Variants in SUCO observed in about 807,000 individuals in gnomAD.
The protein encoded by SUCO is SUN domain containing ossification factor, also known as SUN domain-containing ossification factor.
A neutral mutation model predicts 148.1 loss-of-function variants in SUCO; 57 were observed. The observed-to-expected ratio is 0.38, with a 90% CI of 0.31 to 0.48. SUCO has a LOEUF of 0.48. Ranked by LOEUF, SUCO falls within the 20% of genes least tolerant of loss-of-function variation. The pLI is 0.96. For missense variants in SUCO, 1,331 were observed against 1,468.2 expected (o/e 0.91, Z 1.53); for synonymous variants, 470 against 502.7 (o/e 0.93, Z 0.87).
chr1:172,609,723 G>A, intron 23 of SUCO, 93 bp from the exon 24 acceptor site: 1 of 1,507,540 alleles, frequency 6.6e-7, no homozygotes. Flanking sequence ...TTCACCAGGA[G>A]GTGGCACTTC....
chr1:172,595,888 A>G (rs976790183), intron 19 of SUCO, among the ~76,000 whole-genome samples: 3 of 152,048 alleles, frequency 2.0e-5, no homozygotes, highest in Non-Finnish European at 2.9e-5. Context: ...ACTTGGTTCC[A>G]TTTTCCCCGT....
At chr1:172,594,096 G>A (rs1364415760) in intron 19 of SUCO, among the ~76,000 whole-genome samples, 1 of 152,098 alleles carries the variant, frequency 6.6e-6, no homozygotes, top group Non-Finnish European at 1.5e-5. Flanking sequence ...ATGGTAGTTT[G>A]TATTTCTGTG....
rs560264957 is a variant in SUCO at position 172,590,522 on chromosome 1, T to G, written c.2826-462T>G. 159 of 217,732 alleles carry G rather than the reference T, an allele frequency of 7.3e-4. 1 individual carries two copies. Among genetic ancestry groups the G allele is most frequent in the Admixed American group, 1.4e-3 (21 of 15,358 alleles). The allele number at this position is 217,732 out of a possible 1,614,324, so 13.5% of individuals were successfully genotyped here. A position where few individuals can be genotyped will look rare whatever the true frequency, so the allele number is the denominator to read the frequency against. Reference sequence around the variant, plus strand: ...CTTTTTTTTATCCTCTGTGTGTCCATTGTCTGTCCTTAGGGCTTCTCTACC... The same window carrying G: ...CTTTTTTTTATCCTCTGTGTGTCCAGTGTCTGTCCTTAGGGCTTCTCTACC... On this transcript the variant is annotated intron_variant, in intron 18 of 23. Coordinates refer to ENST00000263688, the MANE Select transcript of SUCO (RefSeq NM_014283.5).
intron 20 of SUCO, 28 bp downstream of exon 20, chr1:172,600,196 C>T (rs370349602): frequency 4.1e-6 from 6 of 1,466,494 alleles, no homozygotes; most frequent in Non-Finnish European, 5.7e-6. Context: ...TATTGCGAGA[C>T]CCAATGCATG....
intron 2 of SUCO, 116 bp from the exon 3 acceptor site, chr1:172,553,144 A>G: frequency 8.6e-7 from 1 of 1,158,536 alleles, no homozygotes; most frequent in African/African-American, 1.6e-5. Flanking sequence ...ATTAGAGTCA[A>G]ATAAACAAGG....
At chr1:172,549,891 G>A (rs1258369888) in intron 1 of SUCO, among the ~76,000 whole-genome samples, 4 of 143,918 alleles carry the variant, frequency 2.8e-5, no homozygotes, top group Non-Finnish European at 1.5e-5. Flanking sequence ...TTCCTTCAGG[G>A]AAAAAAAAAA....
intron 6 of SUCO, among the ~76,000 whole-genome samples, chr1:172,561,075 A>G (rs965220263): frequency 1.3e-5 from 2 of 152,248 alleles, no homozygotes; most frequent in South Asian, 4.1e-4. Context: ...GCCACCATGT[A>G]TGGTCTCCTT....
rs761994366 is a variant in SUCO at position 172,578,282 on chromosome 1, A to G, written c.1341-16A>G. 5 of 1,568,690 alleles carry G rather than the reference A, an allele frequency of 3.2e-6. No individual in the cohort carries two copies. In the East Asian group the frequency reaches 1.1e-4, roughly 35 times the overall value. On this transcript the variant is annotated splice_polypyrimidine_tract_variant and intron_variant, in intron 13 of 23. Coordinates refer to ENST00000263688, the MANE Select transcript of SUCO (RefSeq NM_014283.5). Reference sequence around the variant, plus strand: ...TGTTTTGTTTTGGAAGTCTTTAATGAAATTGTTGTTGATAGGGTATTTGGC... The same window carrying G: ...TGTTTTGTTTTGGAAGTCTTTAATGGAATTGTTGTTGATAGGGTATTTGGC...
chr1:172,570,034 G>GGTTTTAAC lies in SUCO; in HGVS notation c.857-9_857-8insTAACGTTT. ...TATATATATAAATATTTATAATAAC[G>GGTTTTAAC]GTTTGTCTGCAGGTCAGTCGATGCA... is the stretch of plus-strand genomic sequence containing the variant. On this transcript the variant is annotated splice_polypyrimidine_tract_variant and intron_variant, in intron 7 of 23. Transcript: ENST00000263688. 1 of 1,407,442 alleles carries GGTTTTAAC rather than the reference G, an allele frequency of 7.1e-7. No individual in the cohort carries two copies. Among genetic ancestry groups the GGTTTTAAC allele is most frequent in the Non-Finnish European group, 9.3e-7 (1 of 1,073,960 alleles). The allele number at this position is 1,407,442 out of a possible 1,614,324, so 87.2% of individuals were successfully genotyped here.
At chr1:172,539,484 T>C (rs1652276190) in intron 1 of SUCO, among the ~76,000 whole-genome samples, 1 of 150,020 alleles carries the variant, frequency 6.7e-6, no homozygotes, top group South Asian at 2.1e-4. Context: ...ATTTGTTTAA[T>C]AAATGCAAGT....
intron 23 of SUCO, chr1:172,609,545 G>C (rs1658076004): frequency 1.0e-6 from 1 of 981,734 alleles, no homozygotes; most frequent in Non-Finnish European, 1.2e-6. Context: ...GCAGTTAGTA[G>C]GTATTCAGAT....
At chr1:172,574,052 A>C in intron 10 of SUCO, 54 bp downstream of exon 10, 1 of 982,752 alleles carries the variant, frequency 1.0e-6, no homozygotes, top group Non-Finnish European at 1.5e-6. Context: ...GAAAAAAAGA[A>C]AAACAAAAAA....
chr1:172,611,643 GC>G lies in SUCO; in HGVS notation c.*1385del, dbSNP rs1194256768. 1 of 152,610 alleles carries G rather than the reference GC, an allele frequency of 6.6e-6. No homozygotes were observed. The highest frequency in any genetic ancestry group is 2.4e-5 in the African/African-American group (1 of 41,448). The allele number at this position is 152,610 out of a possible 1,614,324, so 9.5% of individuals were successfully genotyped here. On this transcript the variant is annotated 3_prime_UTR_variant, in exon 24 of 24. Transcript: ENST00000263688. ...AATTTCTTTCCTGTCTGCACAATTA[GC>G]TATTCAGAGCAAGAGGGCCTGATTT...
chr1:172,532,852 TG>T (rs1487039038), upstream of SUCO: 1 of 1,535,856 alleles, frequency 6.5e-7, no homozygotes, highest in Non-Finnish European at 8.7e-7. Context: ...CCCGGCTTTC[TG>T]AACGCAAGCC....
Position 172,533,224 on chromosome 1 carries a change from C to T in SUCO, c.-212C>T, listed in dbSNP as rs1183993638. On this transcript the variant is annotated 5_prime_UTR_variant, in exon 1 of 24. Coordinates refer to ENST00000263688, the MANE Select transcript of SUCO (RefSeq NM_014283.5). Reference sequence around the variant, plus strand: ...CTGCAGCGGCGGCGGTCCCCGGAGTCCTGTGAAGCGCCCCTGTCCGCGCCT... The same window carrying T: ...CTGCAGCGGCGGCGGTCCCCGGAGTTCTGTGAAGCGCCCCTGTCCGCGCCT... 1.9e-6 allele frequency: 3 copies of T among 1,541,176 alleles called. No homozygotes were observed. The highest frequency in any genetic ancestry group is 2.6e-6 in the Non-Finnish European group (3 of 1,143,502).
At chr1:172,536,234 T>C (rs985109582) in intron 1 of SUCO, among the ~76,000 whole-genome samples, 1 of 151,700 alleles carries the variant, frequency 6.6e-6, no homozygotes, top group Non-Finnish European at 1.5e-5. Flanking sequence ...AATTTGAACC[T>C]AGGCAGCACA....
intron 4 of SUCO, 50 bp from the exon 5 acceptor site, chr1:172,557,230 A>G: frequency 1.3e-6 from 2 of 1,587,766 alleles, no homozygotes; most frequent in Non-Finnish European, 8.6e-7. Context: ...AATGTATATT[A>G]CCTCAAGTTT....
intron 9 of SUCO, 108 bp from the exon 10 acceptor site, chr1:172,573,783 A>T: frequency 1.6e-6 from 1 of 626,256 alleles, no homozygotes; most frequent in Admixed American, 3.4e-5. Flanking sequence ...TAACATTTTA[A>T]TGAGTAACTC....
At chr1:172,591,892 A>G (rs1656702341) in intron 19 of SUCO, among the ~76,000 whole-genome samples, 1 of 152,170 alleles carries the variant, frequency 6.6e-6, no homozygotes, top group African/African-American at 2.4e-5. Flanking sequence ...TTACAGTCCA[A>G]CCAGCAATGT....
Sources: gnomAD v4.1 joint callset for allele counts (sites outside exome capture counted in the v4.1 genomes callset) on GRCh38, gnomAD v4.1.1 for gene constraint, MANE v1.5 for transcripts, NCBI Gene and HGNC (gene_info 2026-07-23, HGNC 2026-07-21) for gene names.